Variants in FHIT observed in about 807,000 individuals in gnomAD.
FHIT encodes bis(5'-adenosyl)-triphosphatase.
FHIT carries 19 observed loss-of-function variants against 17.9 expected under a neutral mutation model. The ratio of observed to expected loss-of-function variants is 1.06; its 90% CI spans 0.74 to 1.56. The LOEUF is 1.56. Ranked by LOEUF, FHIT falls within the 40% of genes most tolerant of loss-of-function variation. The pLI is 0.00. For missense variants in FHIT, 248 were observed against 189.2 expected (o/e 1.31, Z -1.82); for synonymous variants, 81 against 69.7 (o/e 1.16, Z -0.81).
chr3:60,946,784 G>C (rs1257419378), intron 3 of FHIT, among the ~76,000 whole-genome samples: 1 of 151,994 alleles, frequency 6.6e-6, no homozygotes, highest in African/African-American at 2.4e-5. Context: ...CCCCTGGAGA[G>C]GGTGATGGGG....
chr3:60,575,596 T>G lies in FHIT; in HGVS notation c.-17-38617A>C, dbSNP rs138687358. Among the ~76,000 whole-genome samples, 107 of 152,188 alleles carry G rather than the reference T, an allele frequency of 7.0e-4. 1 individual carries two copies. The East Asian group carries it at 0.018, about 26-fold the overall frequency. On this transcript the variant is annotated intron_variant, in intron 4 of 9. Coordinates refer to ENST00000492590, the MANE Select transcript of FHIT (RefSeq NM_002012.4). The stretch of plus-strand genomic sequence containing the variant: ...TGAAAGAATTAAGAAGACCACAGTA[T>G]AAAATGTAAGGAATAAAGTTTATAG...
At chr3:59,829,799 T>C (rs1415056059) in intron 8 of FHIT, among the ~76,000 whole-genome samples, 1 of 152,148 alleles carries the variant, frequency 6.6e-6, no homozygotes, top group African/African-American at 2.4e-5. Flanking sequence ...GGTGTCAGAA[T>C]TATACAATAC....
At chr3:60,660,112 T>A (rs75689505) in intron 4 of FHIT, among the ~76,000 whole-genome samples, 1 of 151,838 alleles carries the variant, frequency 6.6e-6, no homozygotes, top group African/African-American at 2.4e-5. Context: ...AATGTCTGGC[T>A]CCAAACACAA....
intron 8 of FHIT, among the ~76,000 whole-genome samples, chr3:59,883,867 C>T (rs1407670233): frequency 2.6e-5 from 4 of 152,170 alleles, no homozygotes; most frequent in Non-Finnish European, 5.9e-5. Context: ...GTGTCAATAG[C>T]TGTTACATGG....
intron 5 of FHIT, among the ~76,000 whole-genome samples, chr3:60,190,506 T>C (rs1270936773): frequency 6.6e-6 from 1 of 152,032 alleles, no homozygotes; most frequent in Non-Finnish European, 1.5e-5. Context: ...CCCAGCACTT[T>C]AGGAGTCCAA....
chr3:61,024,879 T>C (rs992075411), intron 3 of FHIT, among the ~76,000 whole-genome samples: 1 of 152,152 alleles, frequency 6.6e-6, no homozygotes, highest in African/African-American at 2.4e-5. Flanking sequence ...AATGTACAAG[T>C]GACAGCTTTT....
At chr3:60,245,776 A>C (rs1705363357) in intron 5 of FHIT, among the ~76,000 whole-genome samples, 3 of 152,078 alleles carry the variant, frequency 2.0e-5, no homozygotes, top group Non-Finnish European at 4.4e-5. Flanking sequence ...GAAAATGTTT[A>C]AAAATATAAA....
intron 5 of FHIT, among the ~76,000 whole-genome samples, chr3:60,487,212 C>A (rs1424575696): frequency 6.6e-6 from 1 of 152,146 alleles, no homozygotes; most frequent in African/African-American, 2.4e-5. Flanking sequence ...GCTCTACACT[C>A]CCATTGCTGT....
intron 8 of FHIT, among the ~76,000 whole-genome samples, chr3:59,873,508 A>T (rs76116152): frequency 0.015 from 2,298 of 152,248 alleles, 23 homozygotes; most frequent in South Asian, 0.021. Flanking sequence ...TTCACTGGTC[A>T]CCTACTCTCC....
intron 2 of FHIT, among the ~76,000 whole-genome samples, chr3:61,134,003 G>A (rs2036837661): frequency 6.6e-6 from 1 of 151,936 alleles, no homozygotes; most frequent in South Asian, 2.1e-4. Context: ...CAGGAGAATT[G>A]CTTTGAACTC....
intron 5 of FHIT, among the ~76,000 whole-genome samples, chr3:60,318,377 A>T (rs1299516605): frequency 6.6e-6 from 1 of 152,240 alleles, no homozygotes; most frequent in African/African-American, 2.4e-5. Context: ...ATAGAAATCA[A>T]CCAAATGAAA....
At chr3:60,339,412 T>C (rs1346310004) in intron 5 of FHIT, among the ~76,000 whole-genome samples, 2 of 152,142 alleles carry the variant, frequency 1.3e-5, no homozygotes, top group Non-Finnish European at 2.9e-5. Flanking sequence ...AACACACCCA[T>C]GGAAGATAAG....
chr3:60,710,223 A>C (rs184272166), intron 4 of FHIT, among the ~76,000 whole-genome samples: 1 of 152,322 alleles, frequency 6.6e-6, no homozygotes, highest in East Asian at 1.9e-4. Context: ...CCAAAAGTAC[A>C]GTTCAGTGCC....
At position 60,608,588 on chromosome 3, in the gene FHIT, T is replaced by C. The variant is rs76294372; in HGVS notation, c.-17-71609A>G. On this transcript the variant is annotated intron_variant, in intron 4 of 9. Coordinates refer to ENST00000492590, the MANE Select transcript of FHIT (RefSeq NM_002012.4). ...TTTATTTAGCCTCCTTTATTTTTTT[T>C]CCCACCAGGAAAAAAAGGAGTTGGG... Among the ~76,000 whole-genome samples the C allele has an allele frequency of 1.6e-3, 239 of 150,802 alleles. 1 individual carries two copies. The highest frequency in any genetic ancestry group is 5.6e-3 in the African/African-American group (225 of 40,400).
intron 5 of FHIT, among the ~76,000 whole-genome samples, chr3:60,320,889 T>A (rs1559817151): frequency 2.6e-5 from 4 of 152,308 alleles, no homozygotes; most frequent in African/African-American, 9.6e-5. Flanking sequence ...AGGACTCAAT[T>A]GAAACCCAAA....
intron 4 of FHIT, among the ~76,000 whole-genome samples, chr3:60,680,193 C>T (rs540296814): frequency 6.6e-6 from 1 of 152,290 alleles, no homozygotes; most frequent in Non-Finnish European, 1.5e-5. Flanking sequence ...GCTTTACAAC[C>T]TCTCCAACAC....
At chr3:60,195,745 G>A (rs1702612662) in intron 5 of FHIT, among the ~76,000 whole-genome samples, 1 of 151,108 alleles carries the variant, frequency 6.6e-6, no homozygotes, top group Non-Finnish European at 1.5e-5. Flanking sequence ...TGGAACTGGA[G>A]GCCATTATTC....
At chr3:60,238,246 A>C (rs1296384698) in intron 5 of FHIT, among the ~76,000 whole-genome samples, 2 of 151,990 alleles carry the variant, frequency 1.3e-5, no homozygotes, top group Non-Finnish European at 2.9e-5. Flanking sequence ...TTCCAGAACT[A>C]AACCAAGTCA....
intron 3 of FHIT, among the ~76,000 whole-genome samples, chr3:60,913,749 T>A (rs1706858755): frequency 6.6e-6 from 1 of 152,192 alleles, no homozygotes. Flanking sequence ...TGGCTTCCCT[T>A]CATTCACATG....
Sources: gnomAD v4.1 joint callset for allele counts (sites outside exome capture counted in the v4.1 genomes callset) on GRCh38, gnomAD v4.1.1 for gene constraint, MANE v1.5 for transcripts, NCBI Gene and HGNC (gene_info 2026-07-23, HGNC 2026-07-21) for gene names.